TFB2M: variants seen among roughly 807,000 people sequenced by gnomAD.
TFB2M encodes the protein transcription factor B2, mitochondrial, also known as dimethyladenosine transferase 2, mitochondrial.
Under a neutral mutation model 41.3 loss-of-function variants are expected in TFB2M, and 44 were observed. The ratio of observed to expected loss-of-function variants is 1.07; its 90% CI spans 0.84 to 1.37. The LOEUF is 1.37. Ranked by LOEUF, TFB2M falls within the 40% of genes most tolerant of loss-of-function variation. TFB2M has a pLI of 0.00. For synonymous variants in TFB2M, 188 were observed against 176.8 expected (o/e 1.06, Z -0.50); for missense variants, 496 against 490.2 (o/e 1.01, Z -0.11).
At chr1:246,563,106 C>T (rs1267873730) in intron 2 of TFB2M, among the ~76,000 whole-genome samples, 1 of 151,970 alleles carries the variant, frequency 6.6e-6, no homozygotes, top group African/African-American at 2.4e-5. Context: ...ACACAGCATC[C>T]CAGGAGACTG....
At chr1:246,564,248 T>A in intron 2 of TFB2M, 98 bp downstream of exon 2, 1 of 993,050 alleles carries the variant, frequency 1.0e-6, no homozygotes, top group Non-Finnish European at 1.5e-6. Flanking sequence ...CCCTAAAAGA[T>A]ATTCTATGTA....
chr1:246,541,076 A>G lies in TFB2M; in HGVS notation c.1146T>C (p.Asp382=), dbSNP rs765978015. 1 of 1,613,492 alleles carries G rather than the reference A, an allele frequency of 6.2e-7. No homozygotes were observed. Among genetic ancestry groups the G allele is most frequent in the East Asian group, 2.2e-5 (1 of 44,820 alleles). ...TLFETIERSK[D]CAYKWLYDET... is the part of the protein sequence containing the mutation. Reference sequence around the variant, plus strand: ...CATCATACAGCCATTTATAAGCACAATCTTTGGAACGCTCTATAGTTTCAA... The same window carrying G: ...CATCATACAGCCATTTATAAGCACAGTCTTTGGAACGCTCTATAGTTTCAA... Residue 382 remains aspartate, a synonymous_variant, in exon 8 of 8, where the codon GAT becomes GAC. Transcript: ENST00000366514.
chr1:246,561,977 A>G (rs535268238), intron 2 of TFB2M, among the ~76,000 whole-genome samples: 24 of 152,278 alleles, frequency 1.6e-4, no homozygotes, highest in Admixed American at 6.5e-4. Context: ...ATGTTTACTG[A>G]ATCACATTTC....
rs1217121436 is a variant in TFB2M at position 246,557,490 on chromosome 1, A to C, written c.447T>G (p.Cys149Trp). 2 of 1,612,178 alleles carry C rather than the reference A, an allele frequency of 1.2e-6. No individual in the cohort carries two copies. Among genetic ancestry groups the C allele is most frequent in the Non-Finnish European group, 1.7e-6 (2 of 1,179,260 alleles). Residue 149 changes from cysteine (C) to tryptophan (W), a missense_variant, in exon 3 of 8, where the codon TGT becomes TGG. Transcript: ENST00000366514. ...NLDGKLRVIHCDFFKLDPRSG... is the reference protein window; with the variant it reads ...NLDGKLRVIHWDFFKLDPRSG... ...TTCTAGGATCTAGTTTAAAGAAGTC[A>C]CAGTGAATCACTCGTAGTTTTCCAT...
rs1659088219 is a variant in TFB2M at position 246,548,572 on chromosome 1, T to G, written c.831A>C (p.Lys277Asn). 6.2e-7 allele frequency: 1 copy of G among 1,613,394 alleles called. No individual in the cohort carries two copies. The highest frequency in any genetic ancestry group is 1.3e-5 in the African/African-American group (1 of 74,930). ...TACGCTTTGGGTTTTCCAGCGGCCC[T>G]TTCCGGGTGTATATATCAAATGATG... The part of the protein sequence containing the change: ...PWSSFDIYTR[K>N]GPLENPKRRE... The change falls in exon 6 of 8, where the codon AAA (lysine) becomes AAC (asparagine). Residue 277 changes from lysine to asparagine, a missense_variant. Lys to Asn is a moderately conservative substitution (Grantham distance 94, BLOSUM62 0). Transcript: ENST00000366514.
intron 2 of TFB2M, among the ~76,000 whole-genome samples, chr1:246,563,085 T>C (rs1659499280): frequency 6.6e-6 from 1 of 152,158 alleles, no homozygotes; most frequent in Admixed American, 6.5e-5. Context: ...TACAGTAACC[T>C]TTCAATGAAA....
chr1:246,557,629 A>C, intron 2 of TFB2M, 95 bp from the exon 3 acceptor site: 3 of 1,022,936 alleles, frequency 2.9e-6, no homozygotes, highest in East Asian at 3.0e-5. Context: ...CCATAATAAA[A>C]TGTAAAAATA....
chr1:246,548,629 A>G (rs1659089600), intron 5 of TFB2M, 22 bp from the exon 6 acceptor site: 3 of 1,605,934 alleles, frequency 1.9e-6, no homozygotes, highest in Non-Finnish European at 1.7e-6. Context: ...AAACAAAGCA[A>G]AACAACATCT....
At chr1:246,542,480 T>A (rs1658887876) in intron 7 of TFB2M, among the ~76,000 whole-genome samples, 1 of 152,040 alleles carries the variant, frequency 6.6e-6, no homozygotes, top group Non-Finnish European at 1.5e-5. Context: ...AAGACTATCC[T>A]GAGCAACATA....
chr1:246,554,672 A>G (rs768371446), intron 4 of TFB2M, among the ~76,000 whole-genome samples: 41 of 152,186 alleles, frequency 2.7e-4, no homozygotes, highest in Non-Finnish European at 5.7e-4. Flanking sequence ...ACAATGTAAT[A>G]ATAATAGAAA....
chr1:246,566,070 A>G lies in TFB2M; in HGVS notation c.69T>C (p.Phe23=). Residue 23 remains phenylalanine (F), a synonymous_variant, in exon 1 of 8, where the codon TTT becomes TTC. Transcript: ENST00000366514. ...RLSALAGAGR[F]CILGSEAATR... is the part of the protein sequence containing the mutation. ...TCGCCGCTTCAGACCCTAAAATGCA[A>G]AAGCGACCAGCGCCCGCCAAGGCGG... 2 of 1,613,802 alleles carry G rather than the reference A, an allele frequency of 1.2e-6. No homozygotes were observed. The highest frequency in any genetic ancestry group is 1.7e-6 in the Non-Finnish European group (2 of 1,179,790).
Position 246,556,646 on chromosome 1 carries a change from A to T in TFB2M, c.632T>A (p.Leu211Ter). 1 of 1,580,710 alleles carries T rather than the reference A, an allele frequency of 6.3e-7. No individual in the cohort carries two copies. Among genetic ancestry groups the T allele is most frequent in the Non-Finnish European group, 8.6e-7 (1 of 1,168,336 alleles). Residue 211 changes from leucine to a stop codon, truncating the protein, a stop_gained, in exon 4 of 8, where the codon TTG becomes TAG. Transcript: ENST00000366514. LOFTEE classifies it high-confidence loss of function. The part of the protein sequence containing the change: ...KRALWKLAYD[L>*]YSCTSIYKFG... The stretch of plus-strand genomic sequence containing the variant: ...TTTATATATAGAAGTACAGGAATAC[A>T]AGTCATATGCGAGTTTCCAAAGTGC...
intron 2 of TFB2M, among the ~76,000 whole-genome samples, chr1:246,559,751 C>A (rs1353441208): frequency 2.0e-5 from 3 of 152,018 alleles, no homozygotes; most frequent in Non-Finnish European, 4.4e-5. Context: ...GTGGAGTGGT[C>A]CAGTCTGACG....
At chr1:246,561,751 G>A (rs542467079) in intron 2 of TFB2M, among the ~76,000 whole-genome samples, 7 of 152,326 alleles carry the variant, frequency 4.6e-5, no homozygotes, top group African/African-American at 1.7e-4. Context: ...TTACAGGCAT[G>A]GGCCTCGGTC....
At chr1:246,562,082 T>C (rs1659471230) in intron 2 of TFB2M, among the ~76,000 whole-genome samples, 1 of 152,178 alleles carries the variant, frequency 6.6e-6, no homozygotes, top group Non-Finnish European at 1.5e-5. Context: ...GCTAAAACCT[T>C]GAACTCTTTT....
chr1:246,556,997 G>A (rs1659341020), intron 3 of TFB2M, among the ~76,000 whole-genome samples: 1 of 152,072 alleles, frequency 6.6e-6, no homozygotes, highest in Non-Finnish European at 1.5e-5. Flanking sequence ...AATTCGGCGG[G>A]GTACGGTGGC....
At position 246,564,337 on chromosome 1, in the gene TFB2M, A is replaced by G. The variant is rs1443417292; in HGVS notation, c.402+9T>C. On this transcript the variant is annotated intron_variant, in intron 2 of 7. Transcript: ENST00000366514. ...AACAATAACATACGTTGAGAAACTA[A>G]AAATATACCTCCAAATGTGGAATAA... 6.2e-7 allele frequency: 1 copy of G among 1,613,612 alleles called. No homozygotes were observed. The highest frequency in any genetic ancestry group is 8.5e-7 in the Non-Finnish European group (1 of 1,179,522).
At chr1:246,561,718 C>T (rs1312207173) in intron 2 of TFB2M, among the ~76,000 whole-genome samples, 1 of 152,218 alleles carries the variant, frequency 6.6e-6, no homozygotes, top group Non-Finnish European at 1.5e-5. Context: ...ACCTGCCCGC[C>T]TTGGCCTCCC....
Position 246,566,248 on chromosome 1 carries a change from C to T in TFB2M, c.-110G>A. 1 of 1,098,920 alleles carries T rather than the reference C, an allele frequency of 9.1e-7. No individual in the cohort carries two copies. Among genetic ancestry groups the T allele is most frequent in the African/African-American group, 1.6e-5 (1 of 63,436 alleles). The allele number at this position is 1,098,920 out of a possible 1,614,324, so 68.1% of individuals were successfully genotyped here. On this transcript the variant is annotated 5_prime_UTR_variant, in exon 1 of 8. Transcript: ENST00000366514. ...TTTCTGGCGTCCGGGCCAGGTCAAG[C>T]GGAAGTAAACACTAGAGCCTGCGCA...
Sources: allele counts gnomAD v4.1 joint callset (sites outside exome capture counted in the v4.1 genomes callset), GRCh38; gene constraint gnomAD v4.1.1; transcripts MANE v1.5; gene names NCBI Gene and HGNC (gene_info 2026-07-23, HGNC 2026-07-21).